The following SPAG16 variants were observed in gnomAD, a reference collection of about 807,000 sequenced individuals.
The protein encoded by SPAG16 is sperm-associated antigen 16 protein.
In SPAG16, 86 loss-of-function variants were observed where a neutral mutation model predicts 80.4. The observed-to-expected ratio is 1.07, with a 90% CI of 0.90 to 1.28. The LOEUF (loss-of-function observed/expected upper bound fraction) is 1.28, where lower values mean the gene tolerates loss of function less well. Among genes scored for constraint, SPAG16 ranks in the 50% most tolerant of loss-of-function variants. The pLI is 0.00. For missense variants in SPAG16, 870 were observed against 765.3 expected, an observed-to-expected ratio of 1.14 and a Z score of -1.61; for synonymous variants, 294 against 265.9, an observed-to-expected ratio of 1.11 and a Z score of -1.03.
At chr2:214,106,491 A>G (rs1364694781) in intron 13 of SPAG16, among the ~76,000 whole-genome samples, 1 of 152,172 alleles carries the variant, frequency 6.6e-6, no homozygotes, top group Non-Finnish European at 1.5e-5. Flanking sequence ...GCACTCTGTG[A>G]ACAAAGATTT....
intron 11 of SPAG16, among the ~76,000 whole-genome samples, chr2:213,883,299 A>G (rs1448426082): frequency 3.3e-5 from 5 of 152,092 alleles, no homozygotes; most frequent in African/African-American, 4.8e-5. Context: ...TTAAATTTCC[A>G]TATATTTGTG....
intron 6 of SPAG16, among the ~76,000 whole-genome samples, chr2:213,344,338 AG>A (rs2064850634): frequency 2.0e-5 from 3 of 151,966 alleles, no homozygotes; most frequent in Non-Finnish European, 4.4e-5. Context: ...CAAGTTTTGA[AG>A]GACCACCCTA....
intron 15 of SPAG16, among the ~76,000 whole-genome samples, chr2:214,291,565 A>G (rs890962759): frequency 6.6e-6 from 1 of 151,946 alleles, no homozygotes; most frequent in Admixed American, 6.6e-5. Context: ...TCGGCCTCCC[A>G]AAGTGCTGGG....
intron 15 of SPAG16, among the ~76,000 whole-genome samples, chr2:214,333,137 G>A (rs535520715): frequency 6.6e-6 from 1 of 152,258 alleles, no homozygotes; most frequent in East Asian, 1.9e-4. Flanking sequence ...TTCTACAAGG[G>A]AATCATGCCT....
intron 10 of SPAG16, among the ~76,000 whole-genome samples, chr2:213,702,879 T>C (rs2065543119): frequency 6.6e-6 from 1 of 152,206 alleles, no homozygotes; most frequent in South Asian, 2.1e-4. Context: ...ACAATAGTAC[T>C]AGCACTCAGA....
At position 213,635,472 on chromosome 2, in the gene SPAG16, T is replaced by A. The variant is rs182618206; in HGVS notation, c.1070+145382T>A. On this transcript the variant is annotated intron_variant, in intron 10 of 15. Coordinates refer to ENST00000331683, the MANE Select transcript of SPAG16 (RefSeq NM_024532.5). Reference sequence around the variant, plus strand: ...GATCAAATTATAGATTTACTTTTAGTTTTTTCAGGAATCTCCATACTGTTT... The same window carrying A: ...GATCAAATTATAGATTTACTTTTAGATTTTTCAGGAATCTCCATACTGTTT... 1.4e-4 allele frequency among the ~76,000 whole-genome samples: 22 copies of A among 152,258 alleles called. No individual in the cohort carries two copies. In the East Asian group the frequency reaches 4.1e-3, roughly 28 times the overall value.
At chr2:213,406,890 C>G (rs1228813015) in intron 9 of SPAG16, among the ~76,000 whole-genome samples, 1 of 149,400 alleles carries the variant, frequency 6.7e-6, no homozygotes, top group African/African-American at 2.5e-5. Flanking sequence ...GAAATCAAGA[C>G]CCACCCCAGT....
intron 15 of SPAG16, among the ~76,000 whole-genome samples, chr2:214,187,867 A>G (rs2057531213): frequency 1.3e-5 from 2 of 152,198 alleles, no homozygotes; most frequent in Admixed American, 6.5e-5. Flanking sequence ...AAACTTTCGG[A>G]CAAAGTAGTA....
intron 13 of SPAG16, among the ~76,000 whole-genome samples, chr2:214,097,126 C>G (rs949904109): frequency 1.3e-5 from 2 of 151,920 alleles, no homozygotes; most frequent in Admixed American, 1.3e-4. Context: ...AACTTGGAAA[C>G]TAAGGTAGTA....
intron 10 of SPAG16, among the ~76,000 whole-genome samples, chr2:213,809,489 G>A (rs1453502822): frequency 6.6e-6 from 1 of 152,068 alleles, no homozygotes; most frequent in African/African-American, 2.4e-5. Flanking sequence ...GAAAAAAGAG[G>A]TACTACATCC....
intron 15 of SPAG16, among the ~76,000 whole-genome samples, chr2:214,293,399 C>G (rs1341062707): frequency 6.6e-6 from 1 of 152,102 alleles, no homozygotes; most frequent in African/African-American, 2.4e-5. Context: ...GACCTCAGAC[C>G]CTGGCAGTAG....
intron 10 of SPAG16, among the ~76,000 whole-genome samples, chr2:213,674,241 A>C (rs1233177342): frequency 6.6e-6 from 1 of 152,024 alleles, no homozygotes; most frequent in African/African-American, 2.4e-5. Flanking sequence ...ACAGTTTGTA[A>C]TTTCATCCAG....
At chr2:213,696,590 G>T (rs2125311246) in intron 10 of SPAG16, among the ~76,000 whole-genome samples, 1 of 152,262 alleles carries the variant, frequency 6.6e-6, no homozygotes, top group South Asian at 2.1e-4. Flanking sequence ...AGTGATACAT[G>T]CTATAGAAGC....
In SPAG16 at chr2:213,906,461, A is replaced by G. The variant is rs575721922; in HGVS notation, c.1215-23499A>G. 2.7e-4 allele frequency among the ~76,000 whole-genome samples: 41 copies of G among 152,310 alleles called. No individual in the cohort carries two copies. The South Asian group carries it at 7.9e-3, about 29-fold the overall frequency. On this transcript the variant is annotated intron_variant, in intron 11 of 15. Transcript: ENST00000331683. ...AATACCCAAAGTGACCTACAGATTT[A>G]ATGCAGTCTCTATCAAAATACCAAT...
intron 14 of SPAG16, among the ~76,000 whole-genome samples, chr2:214,113,665 G>A (rs2053787623): frequency 6.6e-6 from 1 of 152,104 alleles, no homozygotes; most frequent in Non-Finnish European, 1.5e-5. Flanking sequence ...ATGGTTTTCA[G>A]CTCCATCAAG....
chr2:213,965,086 G>T (rs1296923260), intron 12 of SPAG16, among the ~76,000 whole-genome samples: 1 of 152,116 alleles, frequency 6.6e-6, no homozygotes, highest in Admixed American at 6.5e-5. Flanking sequence ...CCCTGGACTT[G>T]TTTGTTTATT....
intron 12 of SPAG16, among the ~76,000 whole-genome samples, chr2:213,961,910 A>C (rs914574811): frequency 1.3e-5 from 2 of 152,098 alleles, no homozygotes; most frequent in Non-Finnish European, 2.9e-5. Context: ...TGAGTTGGGA[A>C]GTATTCCTTC....
At chr2:214,081,794 C>T (rs1478734019) in intron 13 of SPAG16, among the ~76,000 whole-genome samples, 1 of 152,072 alleles carries the variant, frequency 6.6e-6, no homozygotes, top group Non-Finnish European at 1.5e-5. Context: ...CTAAAATTTG[C>T]CTCACATTGC....
intron 11 of SPAG16, among the ~76,000 whole-genome samples, chr2:213,887,634 T>C (rs1401664230): frequency 6.6e-6 from 1 of 151,662 alleles, no homozygotes; most frequent in Non-Finnish European, 1.5e-5. Context: ...TCAGGTGAAT[T>C]CAGATCATAG....
Sources: allele counts gnomAD v4.1 joint callset (sites outside exome capture counted in the v4.1 genomes callset), GRCh38; gene constraint gnomAD v4.1.1; transcripts MANE v1.5; gene names NCBI Gene and HGNC (gene_info 2026-07-23, HGNC 2026-07-21).